Variants in TJP1 observed in about 807,000 individuals in gnomAD.
TJP1 encodes tight junction protein ZO-1.
TJP1 carries 43 observed loss-of-function variants against 194.2 expected under a neutral mutation model. That is an observed-to-expected ratio of 0.22 (90% CI 0.17 to 0.29). The LOEUF (loss-of-function observed/expected upper bound fraction) is 0.29. Among genes scored for constraint, TJP1 ranks in the 10% least tolerant of loss-of-function variants. The probability of loss-of-function intolerance (pLI) is 1.00; values close to 1 mark genes in which losing one functional copy is unlikely to be tolerated. For missense variants in TJP1, 1,971 were observed against 2,185.7 expected, an observed-to-expected ratio of 0.90 and a Z score of 1.96; for synonymous variants, 801 against 779.0, an observed-to-expected ratio of 1.03 and a Z score of -0.47.
chr15:29,793,752 A>G lies in TJP1; in HGVS notation c.84+6894T>C, dbSNP rs144407970. ...TCACGTTCCACCAGGCCCCTCCTCC[A>G]ACACTGGGGATTACAATTAAATGTA... On this transcript the variant is annotated intron_variant, in intron 2 of 27. Coordinates refer to ENST00000614355, the MANE Select transcript of TJP1 (RefSeq NM_001330239.4). 3.4e-3 allele frequency among the ~76,000 whole-genome samples: 515 copies of G among 152,328 alleles called. 1 individual carries two copies. Among genetic ancestry groups the G allele is most frequent in the Non-Finnish European group, 6.0e-3 (411 of 68,032 alleles).
intron 8 of TJP1, chr15:29,759,833 T>C (rs12440943): frequency 2.1e-5 from 4 of 187,428 alleles, no homozygotes; most frequent in Admixed American, 6.1e-5. Context: ...CATTTCATTG[T>C]GTGTGTGAAC....
chr15:29,851,067 G>A (rs940647598), intron 2 of TJP1, among the ~76,000 whole-genome samples: 10 of 152,112 alleles, frequency 6.6e-5, no homozygotes, highest in African/African-American at 1.2e-4. Flanking sequence ...GAATCCAGGC[G>A]GCAGAGGTTG....
In TJP1 at chr15:29,830,101, C is replaced by A. The variant is rs191944445; in HGVS notation, c.307-29399G>T. 4.0e-5 allele frequency among the ~76,000 whole-genome samples: 6 copies of A among 151,652 alleles called. No individual in the cohort carries two copies. The East Asian group carries it at 1.2e-3, about 29-fold the overall frequency. On this transcript the variant is annotated intron_variant, in intron 2 of 28. Coordinates refer to the TJP1 transcript ENST00000356107. ...AATTAATTTACATTAAATCAGTGAC[C>A]TAACTAAATAGATAAAAGAATTATT...
At chr15:29,751,972 T>A (rs982525320) in intron 8 of TJP1, among the ~76,000 whole-genome samples, 1 of 152,150 alleles carries the variant, frequency 6.6e-6, no homozygotes, top group Non-Finnish European at 1.5e-5. Context: ...TTGCCCAGGC[T>A]ACAGTTCAGT....
intron 2 of TJP1, among the ~76,000 whole-genome samples, chr15:29,840,208 C>T (rs1041161046): frequency 6.6e-6 from 1 of 152,116 alleles, no homozygotes; most frequent in African/African-American, 2.4e-5. Flanking sequence ...TTCATCCTTT[C>T]AGCAGACTCT....
At chr15:29,736,759 C>T (rs552968956) in intron 11 of TJP1, among the ~76,000 whole-genome samples, 1 of 152,298 alleles carries the variant, frequency 6.6e-6, no homozygotes, top group Non-Finnish European at 1.5e-5. Context: ...AGGCAGCTTA[C>T]ACATTTGCCT....
chr15:29,955,753 T>TGAAAAAAAAA (rs2055912381), intron 2 of TJP1, among the ~76,000 whole-genome samples: 1 of 35,800 alleles, frequency 2.8e-5, no homozygotes, highest in Admixed American at 4.3e-4. Context: ...CCTGGCTCTT[T>TGAAAAAAAAA]AAAAAAAAAA....
chr15:29,885,250 C>T (rs950680013), intron 2 of TJP1, among the ~76,000 whole-genome samples: 18 of 152,162 alleles, frequency 1.2e-4, no homozygotes, highest in African/African-American at 3.9e-4. Context: ...TTTGAGGGGA[C>T]TGGCAATCTC....
chr15:29,844,753 G>C (rs973646443), intron 2 of TJP1, among the ~76,000 whole-genome samples: 2 of 152,170 alleles, frequency 1.3e-5, no homozygotes, highest in Non-Finnish European at 2.9e-5. Flanking sequence ...TAGAAATGTT[G>C]AGTAGGCAAT....
At chr15:29,700,141 C>G, downstream of TJP1, 1 of 397,452 alleles carries the variant, frequency 2.5e-6, no homozygotes, top group Non-Finnish European at 4.4e-6. Context: ...GCAAACAGAC[C>G]AAGCCAGCAC....
At chr15:29,847,140 T>C (rs2051443370) in intron 2 of TJP1, among the ~76,000 whole-genome samples, 1 of 152,110 alleles carries the variant, frequency 6.6e-6, no homozygotes, top group African/African-American at 2.4e-5. Flanking sequence ...TCTTGCTCTG[T>C]CACCCAGGCT....
intron 2 of TJP1, among the ~76,000 whole-genome samples, chr15:29,952,150 GA>G (rs2055772431): frequency 2.0e-5 from 3 of 151,888 alleles, no homozygotes; most frequent in South Asian, 2.1e-4. Context: ...CCCCCAGGGG[GA>G]AAAAAAAGAA....
Position 29,856,006 on chromosome 15 carries a change from T to A in TJP1, c.307-55304A>T, listed in dbSNP as rs544320336. Among the ~76,000 whole-genome samples, 5 of 152,350 alleles carry A rather than the reference T, an allele frequency of 3.3e-5. No homozygotes were observed. The South Asian group carries it at 1.0e-3, about 32-fold the overall frequency. ...AAGCATATGTCCATATAGGAACTTG[T>A]ATGCAAACATTCACAGCAGCATTAT... On this transcript the variant is annotated intron_variant, in intron 2 of 28. Coordinates refer to the TJP1 transcript ENST00000356107.
At chr15:29,831,126 G>A (rs143537802) in intron 2 of TJP1, among the ~76,000 whole-genome samples, 715 of 152,318 alleles carry the variant, frequency 4.7e-3, no homozygotes, top group Non-Finnish European at 7.2e-3. Flanking sequence ...AACCAAGTCC[G>A]TACTCTGTAA....
chr15:29,816,378 G>GA (rs770386107), intron 1 of TJP1, among the ~76,000 whole-genome samples: 10 of 152,172 alleles, frequency 6.6e-5, no homozygotes, highest in Admixed American at 2.0e-4. Context: ...ACCTGGGGGG[G>GA]AAGAACACCA....
Position 29,733,078 on chromosome 15 carries a change from AT to A in TJP1, c.1736+15del. On this transcript the variant is annotated intron_variant, in intron 13 of 27. Transcript: ENST00000614355. ...TTACTTGATTCACTCTATGAGAAGT[AT>A]CCAAGCATTCATACCTGTTCTTATT... The A allele has an allele frequency of 6.2e-7, 1 of 1,608,894 alleles. No homozygotes were observed. Among genetic ancestry groups the A allele is most frequent in the Non-Finnish European group, 8.5e-7 (1 of 1,175,514 alleles).
chr15:29,891,628 A>G (rs1009419326), intron 2 of TJP1, among the ~76,000 whole-genome samples: 3 of 152,152 alleles, frequency 2.0e-5, no homozygotes, highest in Non-Finnish European at 2.9e-5. Flanking sequence ...TTCTCACAAT[A>G]TTTCAAACTT....
At position 29,766,462 on chromosome 15, in the gene TJP1, A is replaced by C; in HGVS notation, c.393T>G (p.Ser131Arg). ...TTGGATCATGTATTTCCTCATCATA[A>C]CTATCTTCTTCATTATCAGATACTG... The part of the protein sequence containing the change: ...PEPVSDNEED[S>R]YDEEIHDPRS... Residue 131 changes from serine (S) to arginine (R), a missense_variant, in exon 5 of 28, where the codon AGT becomes AGG. Physicochemically the swap from Ser to Arg is moderately radical, Grantham distance 110. Coordinates refer to ENST00000614355, the MANE Select transcript of TJP1 (RefSeq NM_001330239.4). The C allele has an allele frequency of 6.2e-7, 1 of 1,613,630 alleles. No homozygotes were observed. Among genetic ancestry groups the C allele is most frequent in the Non-Finnish European group, 8.5e-7 (1 of 1,179,778 alleles).
At chr15:29,884,504 G>C (rs1310096879) in intron 2 of TJP1, among the ~76,000 whole-genome samples, 1 of 152,198 alleles carries the variant, frequency 6.6e-6, no homozygotes, top group Non-Finnish European at 1.5e-5. Context: ...GTCCAAGATA[G>C]AGTAGCAGAG....
Sources: allele counts gnomAD v4.1 joint callset (sites outside exome capture counted in the v4.1 genomes callset), GRCh38; gene constraint gnomAD v4.1.1; transcripts MANE v1.5; gene names NCBI Gene and HGNC (gene_info 2026-07-23, HGNC 2026-07-21).